Variants in SMG6 observed in about 807,000 individuals in gnomAD.
The protein encoded by SMG6 is SMG6 nonsense mediated mRNA decay factor.
SMG6 carries 66 observed loss-of-function variants against 142.2 expected under a neutral mutation model. The observed-to-expected ratio is 0.46, with a 90% CI of 0.38 to 0.57. The LOEUF (loss-of-function observed/expected upper bound fraction) is 0.57, where lower values mean the gene tolerates loss of function less well. Ranked by LOEUF, SMG6 falls within the 20% of genes least tolerant of loss-of-function variation. SMG6 has a pLI of 0.00. For synonymous variants in SMG6, 779 were observed against 702.4 expected (o/e 1.11, Z -1.72); for missense variants, 1,793 against 1,832.0 (o/e 0.98, Z 0.39).
intron 6 of SMG6, among the ~76,000 whole-genome samples, chr17:2,285,315 G>A (rs1379777928): frequency 1.3e-5 from 2 of 152,164 alleles, no homozygotes; most frequent in South Asian, 2.1e-4. Context: ...TTGGGAAAAT[G>A]TTGCTAACAG....
chr17:2,198,950 TAAAAAAA>T (rs55660022), intron 10 of SMG6, among the ~76,000 whole-genome samples: 1,095 of 102,136 alleles, frequency 0.011, 16 homozygotes, highest in Non-Finnish European at 0.015. Context: ...AAAATAAAAT[TAAAAAAA>T]AAAAAAAAAA....
At chr17:2,237,612 G>T in intron 9 of SMG6, 1 of 961,510 alleles carries the variant, frequency 1.0e-6, no homozygotes, top group Non-Finnish European at 1.2e-6. Flanking sequence ...GAATGCCCTG[G>T]CCAAGTGCCA....
intron 13 of SMG6, among the ~76,000 whole-genome samples, chr17:2,098,743 GCCTCAGCC>G: frequency 6.6e-6 from 1 of 152,072 alleles, no homozygotes; most frequent in Non-Finnish European, 1.5e-5. Flanking sequence ...TGATTCTCCT[GCCTCAGCC>G]TCCCGAGTAG....
intron 12 of SMG6, among the ~76,000 whole-genome samples, chr17:2,173,387 G>GCAAT (rs367560947): frequency 1.3e-5 from 2 of 152,178 alleles, no homozygotes; most frequent in East Asian, 3.9e-4. Flanking sequence ...ATATAGGCAG[G>GCAAT]CAATCAATCA....
At chr17:2,100,753 A>G (rs1299111262) in intron 13 of SMG6, among the ~76,000 whole-genome samples, 1 of 151,828 alleles carries the variant, frequency 6.6e-6, no homozygotes, top group African/African-American at 2.4e-5. Flanking sequence ...CGCGATATTG[A>G]ACAGGCTGGT....
chr17:2,248,891 CTT>C (rs145763145), intron 8 of SMG6, among the ~76,000 whole-genome samples: 1 of 146,782 alleles, frequency 6.8e-6, no homozygotes. Context: ...CTTTGGAGAA[CTT>C]TTTTTTTTTT....
intron 9 of SMG6, chr17:2,237,425 C>T (rs1241543698): frequency 1.3e-6 from 1 of 748,420 alleles, no homozygotes; most frequent in East Asian, 1.3e-4. Context: ...CTGCTATTGT[C>T]TTCTGAGGTA....
intron 10 of SMG6, among the ~76,000 whole-genome samples, chr17:2,216,476 A>AT (rs2073023691): frequency 6.6e-6 from 1 of 152,192 alleles, no homozygotes; most frequent in Non-Finnish European, 1.5e-5. Flanking sequence ...GTCTTACAGA[A>AT]TTTTTTAAAA....
chr17:2,170,387 G>A (rs186616606), intron 13 of SMG6, among the ~76,000 whole-genome samples: 31 of 152,340 alleles, frequency 2.0e-4, no homozygotes, highest in Admixed American at 2.0e-3. Context: ...CTCAGCACCT[G>A]TCCCACACTA....
chr17:2,228,789 G>T (rs2073388170), intron 10 of SMG6, among the ~76,000 whole-genome samples: 2 of 152,220 alleles, frequency 1.3e-5, no homozygotes, highest in African/African-American at 4.8e-5. Flanking sequence ...TGTTGGTGAG[G>T]TAACTACAGC....
At chr17:2,226,132 G>C (rs897934304) in intron 10 of SMG6, among the ~76,000 whole-genome samples, 2 of 152,090 alleles carry the variant, frequency 1.3e-5, no homozygotes, top group Non-Finnish European at 2.9e-5. Context: ...AAAATTAGCT[G>C]GGTGTGGTGG....
intron 13 of SMG6, among the ~76,000 whole-genome samples, chr17:2,139,839 C>T (rs2070420840): frequency 6.6e-6 from 1 of 152,066 alleles, no homozygotes; most frequent in Admixed American, 6.5e-5. Flanking sequence ...GATTCTCCTG[C>T]CTCAGCCTCC....
intron 13 of SMG6, among the ~76,000 whole-genome samples, chr17:2,108,778 C>T (rs570150456): frequency 1.3e-5 from 2 of 152,162 alleles, no homozygotes; most frequent in South Asian, 4.1e-4. Flanking sequence ...CCCGTCTCTG[C>T]TAAAAATATA....
intron 10 of SMG6, among the ~76,000 whole-genome samples, chr17:2,232,281 T>C (rs935345995): frequency 2.0e-5 from 3 of 152,170 alleles, no homozygotes; most frequent in African/African-American, 2.4e-5. Flanking sequence ...TTTAGATCAA[T>C]AGGTCACCCT....
intron 12 of SMG6, among the ~76,000 whole-genome samples, chr17:2,181,512 T>C (rs768000165): frequency 2.0e-4 from 31 of 152,240 alleles, no homozygotes; most frequent in Non-Finnish European, 3.8e-4. Flanking sequence ...CACTGTTTTA[T>C]CTCTCTAGCC....
At chr17:2,207,143 G>C (rs983548332) in intron 10 of SMG6, among the ~76,000 whole-genome samples, 1 of 135,912 alleles carries the variant, frequency 7.4e-6, no homozygotes, top group Non-Finnish European at 1.6e-5. Flanking sequence ...AAAAAAAATA[G>C]CAGGCATGGT....
chr17:2,170,629 A>G (rs930014272), intron 13 of SMG6, among the ~76,000 whole-genome samples: 4 of 152,216 alleles, frequency 2.6e-5, no homozygotes, highest in Admixed American at 6.5e-5. Context: ...ATTTCACTCT[A>G]CGTTTTTGTT....
rs1229260916 is a variant in SMG6 at position 2,086,733 on chromosome 17, A to G, written c.3358-832T>C. On this transcript the variant is annotated intron_variant, in intron 13 of 18. Coordinates refer to ENST00000263073, the MANE Select transcript of SMG6 (RefSeq NM_017575.5). ...TCTGGGCCCCCCTTCTGGAGGCACC[A>G]CACCTGCATGCCCTCTCCTCCACAC... Among the ~76,000 whole-genome samples, 3 of 152,108 alleles carry G rather than the reference A, an allele frequency of 2.0e-5. No homozygotes were observed. In the East Asian group the frequency reaches 5.8e-4, roughly 29 times the overall value.
chr17:2,132,832 A>G (rs2070167269), intron 13 of SMG6, among the ~76,000 whole-genome samples: 1 of 152,126 alleles, frequency 6.6e-6, no homozygotes, highest in Non-Finnish European at 1.5e-5. Context: ...TCATTTTGTC[A>G]CTCAGGGTGG....
Sources: gnomAD v4.1 joint callset for allele counts (sites outside exome capture counted in the v4.1 genomes callset) on GRCh38, gnomAD v4.1.1 for gene constraint, MANE v1.5 for transcripts, NCBI Gene and HGNC (gene_info 2026-07-23, HGNC 2026-07-21) for gene names.